The following KCNU1 variants were observed in gnomAD, a reference collection of about 807,000 sequenced individuals.
The protein encoded by KCNU1 is potassium channel subfamily U member 1.
A neutral mutation model predicts 126.8 loss-of-function variants in KCNU1; 93 were observed. The ratio of observed to expected loss-of-function variants is 0.73; its 90% CI spans 0.62 to 0.87. The LOEUF (loss-of-function observed/expected upper bound fraction) is 0.87. Among genes scored for constraint, KCNU1 ranks in the 40% least tolerant of loss-of-function variants. The pLI, the probability that KCNU1 is intolerant of heterozygous loss-of-function variation, is 0.00. For missense variants in KCNU1, 1,330 were observed against 1,367.1 expected (o/e 0.97, Z 0.43); for synonymous variants, 523 against 494.2 (o/e 1.06, Z -0.77).
chr8:36,845,742 C>T, intron 17 of KCNU1, 60 bp from the exon 18 acceptor site: 1 of 1,449,646 alleles, frequency 6.9e-7, no homozygotes, highest in Middle Eastern at 1.7e-4. Flanking sequence ...TGAGTCAGCA[C>T]CATGCCTCCT....
chr8:36,879,970 C>T (rs1170388372), intron 19 of KCNU1, among the ~76,000 whole-genome samples: 1 of 152,174 alleles, frequency 6.6e-6, no homozygotes. Context: ...CTAAGCACTC[C>T]AGCGTACAGC....
intron 9 of KCNU1, among the ~76,000 whole-genome samples, chr8:36,816,504 A>G (rs1021816194): frequency 6.6e-6 from 1 of 152,180 alleles, no homozygotes; most frequent in Non-Finnish European, 1.5e-5. Context: ...GACTATGAAG[A>G]GGAAAGGAAA....
At chr8:36,803,962 T>C (rs1019600562) in intron 2 of KCNU1, 65 bp from the exon 3 acceptor site, 23 of 1,094,802 alleles carry the variant, frequency 2.1e-5, no homozygotes, top group Non-Finnish European at 3.1e-5. Flanking sequence ...GAAAACACAC[T>C]TTTGTCGATT....
chr8:36,826,384 AT>A (rs1804324956), intron 10 of KCNU1, among the ~76,000 whole-genome samples: 1 of 151,606 alleles, frequency 6.6e-6, no homozygotes, highest in African/African-American at 2.4e-5. Flanking sequence ...TAATTTTTGT[AT>A]TGTTAGTAGA....
chr8:36,802,761 A>G (rs1803358442), intron 2 of KCNU1, among the ~76,000 whole-genome samples: 2 of 151,974 alleles, frequency 1.3e-5, no homozygotes, highest in Middle Eastern at 3.4e-3. Flanking sequence ...GCTTTGTTTT[A>G]TTTTCAAAGT....
intron 26 of KCNU1, among the ~76,000 whole-genome samples, chr8:36,934,038 C>T (rs2117622270): frequency 6.6e-6 from 1 of 151,998 alleles, no homozygotes; most frequent in Non-Finnish European, 1.5e-5. Context: ...TTGGAAATCC[C>T]AATGCATTGA....
intron 18 of KCNU1, among the ~76,000 whole-genome samples, chr8:36,856,349 C>T (rs1048126581): frequency 7.2e-5 from 11 of 152,138 alleles, no homozygotes; most frequent in African/African-American, 2.4e-4. Flanking sequence ...CTCATGCTTT[C>T]CTGTTACTTT....
rs1802744396 is a variant in KCNU1, at chr8:36,787,361, A to G, written c.251A>G (p.Gln84Arg). Reference sequence around the variant, plus strand: ...AGCCATGTAAGAAGCCTCCACTTCCAGGGACAATTTCGTGATCATATAGAA... The same window carrying G: ...AGCCATGTAAGAAGCCTCCACTTCCGGGGACAATTTCGTGATCATATAGAA... ...ARSHVRSLHF[Q>R]GQFRDHIEML... Residue 84 changes from glutamine to arginine, a missense_variant, in exon 2 of 27, where the codon CAG becomes CGG. By Grantham distance (43) the Gln-to-Arg change is conservative (BLOSUM62 1). Around this residue, in one of 3 missense-constraint regions of KCNU1, gnomAD observed 247 missense variants for 255.4 expected, o/e 0.97. Coordinates refer to ENST00000399881, the MANE Select transcript of KCNU1 (RefSeq NM_001031836.3). 3 of 1,612,704 alleles carry G rather than the reference A, an allele frequency of 1.9e-6. No individual in the cohort carries two copies. In the South Asian group the frequency reaches 3.3e-5, roughly 18 times the overall value.
At chr8:36,893,428 T>C (rs1585524051) in intron 19 of KCNU1, among the ~76,000 whole-genome samples, 1 of 152,154 alleles carries the variant, frequency 6.6e-6, no homozygotes, top group South Asian at 2.1e-4. Context: ...AAAATTCCAC[T>C]GAGAAAACTC....
chr8:36,888,566 G>A (rs769736982), intron 19 of KCNU1: 2 of 533,926 alleles, frequency 3.7e-6, no homozygotes, highest in African/African-American at 3.8e-5. Context: ...GCTGTGCCTG[G>A]AAGTGGAGCA....
At chr8:36,796,347 G>T (rs1000144212) in intron 2 of KCNU1, among the ~76,000 whole-genome samples, 1 of 152,040 alleles carries the variant, frequency 6.6e-6, no homozygotes, top group African/African-American at 2.4e-5. Flanking sequence ...CCATGTAATG[G>T]TATTTTGAAA....
chr8:36,879,650 C>T lies in KCNU1; in HGVS notation c.2009+15129C>T, dbSNP rs369762089. 5.5e-4 allele frequency among the ~76,000 whole-genome samples: 83 copies of T among 152,008 alleles called. No individual in the cohort carries two copies. The East Asian group carries it at 7.6e-3, about 14-fold the overall frequency. ...AGGTCTTGAGCTGCATTTAAAATGC[C>T]GAATGCTTCAACAGCTGGCATTCTG... is the stretch of plus-strand genomic sequence containing the variant. On this transcript the variant is annotated intron_variant, in intron 19 of 26. Transcript: ENST00000399881.
intron 24 of KCNU1, among the ~76,000 whole-genome samples, chr8:36,924,031 A>G (rs374023161): frequency 5.6e-4 from 86 of 152,298 alleles, no homozygotes; most frequent in Middle Eastern, 6.8e-3. Context: ...CTATTATTTT[A>G]TTTTTAAACC....
intron 18 of KCNU1, among the ~76,000 whole-genome samples, chr8:36,857,075 G>T (rs377047782): frequency 6.6e-6 from 1 of 152,200 alleles, no homozygotes; most frequent in Admixed American, 6.5e-5. Context: ...CTTGCAGGAT[G>T]GTGGGTGGTG....
At chr8:36,793,749 C>T (rs1403240335) in intron 2 of KCNU1, among the ~76,000 whole-genome samples, 1 of 152,070 alleles carries the variant, frequency 6.6e-6, no homozygotes, top group African/African-American at 2.4e-5. Flanking sequence ...AATAGAGCCT[C>T]TTTTATTCTT....
At chr8:36,788,162 C>T (rs890336211) in intron 2 of KCNU1, among the ~76,000 whole-genome samples, 5 of 152,052 alleles carry the variant, frequency 3.3e-5, no homozygotes, top group African/African-American at 7.2e-5. Context: ...ATTTTAATCT[C>T]GGTAATTTGA....
intron 19 of KCNU1, chr8:36,888,511 T>A: frequency 1.9e-6 from 1 of 528,568 alleles, no homozygotes; most frequent in South Asian, 1.4e-5. Context: ...TCAGCCACAA[T>A]GAGATGTTCT....
intron 12 of KCNU1, among the ~76,000 whole-genome samples, chr8:36,835,278 G>A (rs974548583): frequency 1.3e-4 from 20 of 152,004 alleles, no homozygotes; most frequent in Non-Finnish European, 2.2e-4. Flanking sequence ...TGTGGTGAAA[G>A]ATTATGCGTG....
rs576246468 is a variant in KCNU1 at position 36,909,264 on chromosome 8, TC to T, written c.2107-46del. On this transcript the variant is annotated intron_variant, in intron 20 of 26. Transcript: ENST00000399881. ...AGAGGGGGCCTACTTGGAGGGATTC[TC>T]ATCTTGCTTATGAAAATGACCAGAC... 4,244 of 1,225,204 alleles carry T rather than the reference TC, an allele frequency of 3.5e-3. 29 individuals are homozygous for T. Among genetic ancestry groups the T allele is most frequent in the Non-Finnish European group, 2.9e-3 (2,410 of 828,094 alleles). 75.9% of individuals were successfully genotyped at this position (1,225,204 alleles called of 1,614,324 possible).
Sources: gnomAD v4.1 joint callset for allele counts (sites outside exome capture counted in the v4.1 genomes callset) on GRCh38, gnomAD v4.1.1 for gene constraint, gnomAD v4.1.1 regional missense constraint, MANE v1.5 for transcripts, NCBI Gene and HGNC (gene_info 2026-07-23, HGNC 2026-07-21) for gene names.